The following FAM13C variants were observed in gnomAD, a reference collection of about 807,000 sequenced individuals.
FAM13C encodes protein FAM13C.
Under a neutral mutation model 73.2 loss-of-function variants are expected in FAM13C, and 37 were observed. That is an observed-to-expected ratio of 0.51 (90% confidence interval 0.39 to 0.67). The LOEUF (loss-of-function observed/expected upper bound fraction) is 0.67, where lower values mean the gene tolerates loss of function less well. Among genes scored for constraint, FAM13C ranks in the 30% least tolerant of loss-of-function variants. The pLI, the probability that FAM13C is intolerant of heterozygous loss-of-function variation, is 0.00. For synonymous variants in FAM13C, 246 were observed against 260.9 expected (o/e 0.94, Z 0.55); for missense variants, 589 against 715.6 (o/e 0.82, Z 2.02).
chr10:59,272,865 G>C lies in FAM13C; in HGVS notation c.593-2756C>G, dbSNP rs79030598. On this transcript the variant is annotated intron_variant, in intron 6 of 13. Transcript: ENST00000618804. Reference sequence around the variant, plus strand: ...CAGTGGACACCTGAAACCACAGAGCGCATCAAACCCTATATATACTACGTT... The same window carrying C: ...CAGTGGACACCTGAAACCACAGAGCCCATCAAACCCTATATATACTACGTT... Among the ~76,000 whole-genome samples the C allele has an allele frequency of 9.6e-3, 1,457 of 152,270 alleles. 29 individuals are homozygous for C. The highest frequency in any genetic ancestry group is 0.033 in the African/African-American group (1,389 of 41,548).
At chr10:59,355,792 G>A in intron 2 of FAM13C, 95 bp downstream of exon 2, 2 of 1,192,120 alleles carry the variant, frequency 1.7e-6, no homozygotes, top group Admixed American at 1.9e-5. Context: ...CAAATAATTG[G>A]AATTCAAAGA....
chr10:59,322,039 A>G (rs918595339), intron 4 of FAM13C, among the ~76,000 whole-genome samples: 1 of 152,104 alleles, frequency 6.6e-6, no homozygotes, highest in Non-Finnish European at 1.5e-5. Context: ...GTCTCTATCA[A>G]GATTCTATTT....
intron 3 of FAM13C, among the ~76,000 whole-genome samples, chr10:59,328,609 C>T: frequency 6.6e-6 from 1 of 152,194 alleles, no homozygotes; most frequent in East Asian, 1.9e-4. Context: ...AGGATGTACA[C>T]ATCCTGTATA....
intron 8 of FAM13C, among the ~76,000 whole-genome samples, chr10:59,266,142 T>C (rs1843036876): frequency 6.6e-6 from 1 of 152,210 alleles, no homozygotes; most frequent in Admixed American, 6.5e-5. Context: ...TTCCCCTTTC[T>C]GGGCCTCAGC....
At chr10:59,278,282 C>A (rs1466767136) in intron 6 of FAM13C, among the ~76,000 whole-genome samples, 1 of 152,124 alleles carries the variant, frequency 6.6e-6, no homozygotes, top group Non-Finnish European at 1.5e-5. Flanking sequence ...AGTTACATCT[C>A]CAAGTTTATT....
chr10:59,258,444 CT>C (rs1216717683), intron 10 of FAM13C, among the ~76,000 whole-genome samples: 1 of 152,176 alleles, frequency 6.6e-6, no homozygotes, highest in Admixed American at 6.5e-5. Context: ...GATTGTGCCA[CT>C]GCACTCTAGC....
chr10:59,262,614 C>T lies in FAM13C; in HGVS notation c.1056G>A (p.Gly352=). ...TTCTAGGTGGACCTTTGGGAGCACT[C>T]CCTTGTTCTTCTGACAGCTTTAGCT... ...ELKLKLSEEQ[G]SAPKGPPRNL... Residue 352 remains glycine, a synonymous_variant, in exon 10 of 14, where the codon GGG becomes GGA. Transcript: ENST00000618804. 1 of 1,613,674 alleles carries T rather than the reference C, an allele frequency of 6.2e-7. No homozygotes were observed.
chr10:59,362,324 G>A lies in FAM13C; in HGVS notation c.62+75C>T, dbSNP rs565859787. 3 of 1,565,812 alleles carry A rather than the reference G, an allele frequency of 1.9e-6. 1 individual carries two copies. In the South Asian group the frequency reaches 3.5e-5, roughly 18 times the overall value. ...CTAAAACGAACAGCGGCTGGGAACGGTGGAGGATACCTTCACGATAGTTGC... is the reference window on the plus strand; with the variant it reads ...CTAAAACGAACAGCGGCTGGGAACGATGGAGGATACCTTCACGATAGTTGC... On this transcript the variant is annotated intron_variant, in intron 1 of 13. Transcript: ENST00000618804.
intron 4 of FAM13C, among the ~76,000 whole-genome samples, chr10:59,310,016 C>T (rs1157749927): frequency 6.6e-6 from 1 of 152,160 alleles, no homozygotes; most frequent in Non-Finnish European, 1.5e-5. Context: ...CATTTCTTCC[C>T]TGAAGAGATC....
intron 4 of FAM13C, among the ~76,000 whole-genome samples, chr10:59,314,507 T>C (rs1849297824): frequency 2.0e-5 from 3 of 152,244 alleles, no homozygotes; most frequent in Admixed American, 2.0e-4. Flanking sequence ...TACACTACAG[T>C]ATCTTGGATA....
rs1420953757 is a variant in FAM13C, at chr10:59,358,255, G to A, written c.63-2312C>T. On this transcript the variant is annotated intron_variant, in intron 1 of 13. Coordinates refer to ENST00000618804, the MANE Select transcript of FAM13C (RefSeq NM_198215.4). ...TAGCTGGGTGTGGTGGCACACACCT[G>A]TAGTTTCAGCTACTCAGGAGGCTGA... Among the ~76,000 whole-genome samples the A allele has an allele frequency of 2.6e-5, 4 of 152,154 alleles. No individual in the cohort carries two copies. The South Asian group carries it at 8.3e-4, about 32-fold the overall frequency.
chr10:59,293,545 C>G (rs1846535683), intron 5 of FAM13C, among the ~76,000 whole-genome samples: 2 of 152,080 alleles, frequency 1.3e-5, no homozygotes, highest in Admixed American at 1.3e-4. Context: ...TATATAAGTA[C>G]CATATTTTCT....
rs115187262 is a variant in FAM13C, at chr10:59,342,086, A to T, written c.324+10184T>A. Among the ~76,000 whole-genome samples, 1,215 of 152,284 alleles carry T rather than the reference A, an allele frequency of 8.0e-3. 10 individuals are homozygous for T. Among genetic ancestry groups the T allele is most frequent in the African/African-American group, 0.024 (1,017 of 41,560 alleles). On this transcript the variant is annotated intron_variant, in intron 3 of 13. Coordinates refer to ENST00000618804, the MANE Select transcript of FAM13C (RefSeq NM_198215.4). ...TTTAACACAGAAGCTGGCTCATGAA[A>T]GTCAGCCTTCCTATTGACTTGATGA...
intron 3 of FAM13C, among the ~76,000 whole-genome samples, chr10:59,328,916 AC>A (rs1851548558): frequency 1.3e-5 from 2 of 152,286 alleles, no homozygotes; most frequent in South Asian, 4.1e-4. Context: ...TTGTAAATCT[AC>A]CCTATCCTAC....
chr10:59,351,994 T>C (rs1855102492), intron 3 of FAM13C, among the ~76,000 whole-genome samples: 2 of 151,806 alleles, frequency 1.3e-5, no homozygotes, highest in Admixed American at 1.3e-4. Context: ...AAACTCTGTC[T>C]CCAAAAATAA....
intron 4 of FAM13C, among the ~76,000 whole-genome samples, 157 bp downstream of exon 4, chr10:59,323,830 CG>C (rs1564583641): frequency 6.6e-6 from 1 of 152,140 alleles, no homozygotes. Flanking sequence ...ACTCACTCAG[CG>C]ATTCCTCTTC....
intron 11 of FAM13C, among the ~76,000 whole-genome samples, chr10:59,253,357 T>C (rs1841596116): frequency 6.6e-6 from 1 of 152,178 alleles, no homozygotes. Context: ...TTAATACTTG[T>C]GATATGAGTT....
chr10:59,259,642 C>T (rs960835962), intron 10 of FAM13C, among the ~76,000 whole-genome samples: 1 of 152,174 alleles, frequency 6.6e-6, no homozygotes, highest in Non-Finnish European at 1.5e-5. Context: ...AAGGGCCTAA[C>T]TTTAGCCTAC....
intron 4 of FAM13C, among the ~76,000 whole-genome samples, chr10:59,318,310 A>C (rs1564574713): frequency 6.6e-6 from 1 of 152,156 alleles, no homozygotes; most frequent in Non-Finnish European, 1.5e-5. Flanking sequence ...CATTTCCAAA[A>C]TAATCAAGTG....
Sources: gnomAD v4.1 joint callset for allele counts (sites outside exome capture counted in the v4.1 genomes callset) on GRCh38, gnomAD v4.1.1 for gene constraint, MANE v1.5 for transcripts, NCBI Gene and HGNC (gene_info 2026-07-23, HGNC 2026-07-21) for gene names.